ARHGEF4: variants seen among roughly 807,000 people sequenced by gnomAD.
ARHGEF4 encodes Rho guanine nucleotide exchange factor 4, also known as APC-stimulated guanine nucleotide exchange factor 1.
A neutral mutation model predicts 162.0 loss-of-function variants in ARHGEF4; 119 were observed. That is an observed-to-expected ratio of 0.73 (90% CI 0.63 to 0.86). The LOEUF (loss-of-function observed/expected upper bound fraction) is 0.86. Among genes scored for constraint, ARHGEF4 ranks in the 40% least tolerant of loss-of-function variants. The pLI is 0.00. For missense variants in ARHGEF4, 2,488 were observed against 2,456.0 expected, an observed-to-expected ratio of 1.01 and a Z score of -0.28; for synonymous variants, 1,014 against 979.9, an observed-to-expected ratio of 1.03 and a Z score of -0.65.
At chr2:130,972,701 C>T (rs983765940) in intron 4 of ARHGEF4, among the ~76,000 whole-genome samples, 4 of 151,856 alleles carry the variant, frequency 2.6e-5, no homozygotes, top group African/African-American at 7.3e-5. Flanking sequence ...AAACTATCAG[C>T]GAAAGACTTA....
At chr2:131,023,018 A>G (rs374987215) in intron 4 of ARHGEF4, among the ~76,000 whole-genome samples, 18 of 135,148 alleles carry the variant, frequency 1.3e-4, no homozygotes, top group African/African-American at 4.8e-4. Context: ...AGGTGGGAGG[A>G]TCACTTGAGC....
chr2:130,913,306 G>C (rs1681303491), intron 1 of ARHGEF4, among the ~76,000 whole-genome samples: 1 of 152,198 alleles, frequency 6.6e-6, no homozygotes, highest in Non-Finnish European at 1.5e-5. Flanking sequence ...AATGTACTCA[G>C]TTTTCAAATA....
chr2:130,892,655 TACAGCCAGGGTGGAGCCC>T (rs982422276), intron 1 of ARHGEF4, among the ~76,000 whole-genome samples: 2 of 152,178 alleles, frequency 1.3e-5, no homozygotes, highest in Admixed American at 6.5e-5. Context: ...GGCTGAGGAC[TACAGCCAGGGTGGAGCCC>T]ACAGCCAGGG....
intron 2 of ARHGEF4, among the ~76,000 whole-genome samples, chr2:130,926,031 T>TCTTTCTTTCTTC (rs1682240321): frequency 9.4e-6 from 1 of 106,066 alleles, no homozygotes; most frequent in Non-Finnish European, 1.8e-5. Context: ...TTTCTTTCTT[T>TCTTTCTTTCTTC]CTTTCTTTCT....
chr2:130,886,070 G>A (rs2104973895), intron 1 of ARHGEF4, among the ~76,000 whole-genome samples: 1 of 152,024 alleles, frequency 6.6e-6, no homozygotes, highest in Non-Finnish European at 1.5e-5. Context: ...CTTCTTTCTG[G>A]ACTGCTTGGT....
intron 2 of ARHGEF4, among the ~76,000 whole-genome samples, chr2:130,920,989 C>T (rs1681838058): frequency 6.6e-6 from 1 of 152,030 alleles, no homozygotes; most frequent in South Asian, 2.1e-4. Flanking sequence ...ACACCACATC[C>T]CCCACCCTGC....
In ARHGEF4 at chr2:130,991,856, C is replaced by T. The variant is rs1003791597; in HGVS notation, c.3986-36089C>T. Among the ~76,000 whole-genome samples the T allele has an allele frequency of 1.3e-3, 196 of 152,366 alleles. 2 individuals carry two copies. The highest frequency in any genetic ancestry group is 2.6e-4 in the Non-Finnish European group (18 of 68,034). On this transcript the variant is annotated intron_variant, in intron 4 of 13. Coordinates refer to ENST00000409359, the MANE Select transcript of ARHGEF4 (RefSeq NM_001367493.1). ...CACATGGCGCGGGACTGGCAGGCAG[C>T]TCCACCTGCAGCCCCGGTGCGGGAT...
intron 12 of ARHGEF4, 37 bp downstream of exon 12, chr2:131,044,579 G>T: frequency 1.3e-6 from 2 of 1,532,806 alleles, no homozygotes; most frequent in Non-Finnish European, 1.8e-6. Flanking sequence ...CGCCCCCAGG[G>T]CCCACCCGGC....
At chr2:131,045,608 A>G in intron 13 of ARHGEF4, 162 bp downstream of exon 13, 1 of 1,575,626 alleles carries the variant, frequency 6.3e-7, no homozygotes, top group Middle Eastern at 1.7e-4. Flanking sequence ...ATAAGGGGCC[A>G]CTGGGGAAGC....
At chr2:130,872,644 G>A (rs1678567340) in intron 1 of ARHGEF4, among the ~76,000 whole-genome samples, 1 of 152,210 alleles carries the variant, frequency 6.6e-6, no homozygotes, top group Non-Finnish European at 1.5e-5. Context: ...GGTTTCTAAA[G>A]AAGTCACTGG....
At chr2:130,846,597 G>A (rs142421984) in intron 1 of ARHGEF4, among the ~76,000 whole-genome samples, 475 of 152,298 alleles carry the variant, frequency 3.1e-3, no homozygotes, top group Middle Eastern at 6.8e-3. Flanking sequence ...GGCAGGATTC[G>A]GGCCCAGTGA....
At chr2:131,039,814 G>A in intron 6 of ARHGEF4, 3 of 1,409,460 alleles carry the variant, frequency 2.1e-6, no homozygotes, top group Non-Finnish European at 2.8e-6. Flanking sequence ...CACTGACGGC[G>A]GCTGCGGGCG....
intron 1 of ARHGEF4, among the ~76,000 whole-genome samples, chr2:130,888,435 C>CA (rs1469714587): frequency 2.0e-5 from 3 of 151,912 alleles, no homozygotes; most frequent in African/African-American, 7.3e-5. Flanking sequence ...CACACCATTG[C>CA]ACTCCAGCCT....
At chr2:130,839,535 C>T (rs1033221010) in intron 1 of ARHGEF4, among the ~76,000 whole-genome samples, 5 of 152,252 alleles carry the variant, frequency 3.3e-5, no homozygotes, top group South Asian at 4.1e-4. Context: ...CGTTGGGCAC[C>T]GTGGGATCCA....
At chr2:130,838,450 A>G (rs1278358140) in intron 1 of ARHGEF4, among the ~76,000 whole-genome samples, 1 of 152,132 alleles carries the variant, frequency 6.6e-6, no homozygotes, top group Non-Finnish European at 1.5e-5. Context: ...TACTAAAAAT[A>G]CAAAAATCAG....
Position 130,846,133 on chromosome 2 carries a change from C to T in ARHGEF4, c.39+9141C>T, listed in dbSNP as rs562011857. On this transcript the variant is annotated intron_variant, in intron 1 of 13. Coordinates refer to ENST00000409359, the MANE Select transcript of ARHGEF4 (RefSeq NM_001367493.1). The stretch of plus-strand genomic sequence containing the variant: ...CAAGGTCTGTTGCCCAGGTCCTTCT[C>T]TGAGAGCTCAAACAAGCCCCTTGCT... Among the ~76,000 whole-genome samples the T allele has an allele frequency of 4.6e-5, 7 of 152,372 alleles. No individual in the cohort carries two copies. In the East Asian group the frequency reaches 1.4e-3, roughly 29 times the overall value.
chr2:131,020,757 G>T (rs1689072158), intron 4 of ARHGEF4, among the ~76,000 whole-genome samples: 1 of 152,146 alleles, frequency 6.6e-6, no homozygotes, highest in South Asian at 2.1e-4. Flanking sequence ...GATCCCTGAG[G>T]AATCGCCACA....
chr2:130,840,267 C>A (rs1193372186), intron 1 of ARHGEF4, among the ~76,000 whole-genome samples: 1 of 152,178 alleles, frequency 6.6e-6, no homozygotes, highest in Non-Finnish European at 1.5e-5. Context: ...TGGCTCTATA[C>A]TATGCCAAGG....
intron 4 of ARHGEF4, among the ~76,000 whole-genome samples, chr2:130,949,170 G>T (rs7579025): frequency 0.39 from 58,505 of 151,898 alleles, 13,809 homozygotes; most frequent in African/African-American, 0.67. Flanking sequence ...AGTTTGTGAT[G>T]CAGTGATCAT....
Sources: allele counts gnomAD v4.1 joint callset (sites outside exome capture counted in the v4.1 genomes callset), GRCh38; gene constraint gnomAD v4.1.1; transcripts MANE v1.5; gene names NCBI Gene and HGNC (gene_info 2026-07-23, HGNC 2026-07-21).